The following IGF2BP3 variants were observed in gnomAD, a reference collection of about 807,000 sequenced individuals.
The protein encoded by IGF2BP3 is insulin like growth factor 2 mRNA binding protein 3, also known as insulin-like growth factor 2 mRNA-binding protein 3.
A neutral mutation model predicts 73.8 loss-of-function variants in IGF2BP3; 9 were observed. That is an observed-to-expected ratio of 0.12 (90% CI 0.07 to 0.21). IGF2BP3 has a LOEUF of 0.21. IGF2BP3 is among the 10% of genes least tolerant of loss of function. The pLI is 1.00. For missense variants in IGF2BP3, 542 were observed against 714.0 expected (o/e 0.76, Z 2.75); for synonymous variants, 258 against 256.7 (o/e 1.01, Z -0.05).
Position 23,342,087 on chromosome 7 carries a change from T to G in IGF2BP3, c.1180A>C (p.Thr394Pro). ...ACCTCAAACTGCGGGTAGGGAGGAG[T>G]CATGGCTGAAGGGGGCCCTGAGGTG... ...PPTSGPPSAMTPPYPQFEQSE... is the reference protein window; with the variant it reads ...PPTSGPPSAMPPPYPQFEQSE... The change falls in exon 10 of 15, where the codon ACT becomes CCT. Residue 394 changes from threonine (T) to proline (P), a missense_variant. Transcript: ENST00000258729. 6.3e-7 allele frequency: 1 copy of G among 1,588,734 alleles called. No homozygotes were observed. Among genetic ancestry groups the G allele is most frequent in the Non-Finnish European group, 8.5e-7 (1 of 1,170,996 alleles).
chr7:23,343,171 A>G (rs1383723689), intron 9 of IGF2BP3, among the ~76,000 whole-genome samples: 1 of 152,206 alleles, frequency 6.6e-6, no homozygotes, highest in African/African-American at 2.4e-5. Context: ...AAATTCTTGT[A>G]TCTCCAAGGT....
chr7:23,368,105 G>T (rs369162221), intron 3 of IGF2BP3, among the ~76,000 whole-genome samples: 2 of 152,216 alleles, frequency 1.3e-5, no homozygotes, highest in South Asian at 2.1e-4. Context: ...GAATGTAATG[G>T]TACAAAATTA....
At chr7:23,317,592 T>C (rs1784025707) in intron 12 of IGF2BP3, 47 bp downstream of exon 12, 1 of 1,412,266 alleles carries the variant, frequency 7.1e-7, no homozygotes, top group Non-Finnish European at 1.0e-6. Context: ...ATGGACTACC[T>C]GTGCATTTGT....
chr7:23,391,185 C>T (rs1409955969), intron 3 of IGF2BP3, among the ~76,000 whole-genome samples: 1 of 151,296 alleles, frequency 6.6e-6, no homozygotes, highest in Admixed American at 6.6e-5. Flanking sequence ...CTGCAACCTC[C>T]ACCCCCTGGG....
rs759967132 is a variant in IGF2BP3, at chr7:23,470,021, C to G, written c.90G>C (p.Ser30=). ...AGCCAGTCTTCACCAGGAAGGGTCC[C>G]GACACCGGGATCTTGGCGTCCTTGA... ...SIFKDAKIPV[S]GPFLVKTGYA... is the part of the protein sequence containing the mutation. Residue 30 remains serine (S), a synonymous_variant, in exon 1 of 15, where the codon TCG becomes TCC. Coordinates refer to ENST00000258729, the MANE Select transcript of IGF2BP3 (RefSeq NM_006547.3). 3 of 1,612,786 alleles carry G rather than the reference C, an allele frequency of 1.9e-6. No homozygotes were observed. The highest frequency in any genetic ancestry group is 3.3e-5 in the Admixed American group (2 of 59,986).
intron 3 of IGF2BP3, among the ~76,000 whole-genome samples, chr7:23,388,666 G>A (rs1173581913): frequency 7.1e-6 from 1 of 141,308 alleles, no homozygotes; most frequent in African/African-American, 2.7e-5. Flanking sequence ...GAGATTTTTA[G>A]CAGCCTCATT....
chr7:23,432,151 A>T (rs1787698563), intron 2 of IGF2BP3, among the ~76,000 whole-genome samples: 1 of 152,178 alleles, frequency 6.6e-6, no homozygotes, highest in Non-Finnish European at 1.5e-5. Flanking sequence ...TTACATTTGC[A>T]CACGTTATCT....
intron 3 of IGF2BP3, among the ~76,000 whole-genome samples, chr7:23,390,745 G>T (rs1406627397): frequency 6.6e-6 from 1 of 151,294 alleles, no homozygotes; most frequent in Non-Finnish European, 1.5e-5. Flanking sequence ...TTTCGTTTTT[G>T]AAAAGACAGC....
intron 3 of IGF2BP3, among the ~76,000 whole-genome samples, chr7:23,393,148 G>A (rs751086332): frequency 1.3e-4 from 20 of 152,164 alleles, no homozygotes; most frequent in Non-Finnish European, 2.1e-4. Flanking sequence ...TCTTCTGCCC[G>A]CTGGAGTGGC....
At chr7:23,466,589 C>T (rs748751999) in intron 2 of IGF2BP3, among the ~76,000 whole-genome samples, 1 of 152,148 alleles carries the variant, frequency 6.6e-6, no homozygotes, top group South Asian at 2.1e-4. Context: ...TGACATCTTA[C>T]CTTATGTGCT....
At chr7:23,429,473 C>T (rs1036146052) in intron 2 of IGF2BP3, among the ~76,000 whole-genome samples, 1 of 152,198 alleles carries the variant, frequency 6.6e-6, no homozygotes, top group Non-Finnish European at 1.5e-5. Context: ...TTCTATCCTC[C>T]TAACCATACT....
At chr7:23,329,378 G>A (rs775997422) in intron 10 of IGF2BP3, among the ~76,000 whole-genome samples, 4 of 152,158 alleles carry the variant, frequency 2.6e-5, no homozygotes, top group Non-Finnish European at 5.9e-5. Flanking sequence ...CACCTACAGT[G>A]TGTGTGCATA....
intron 2 of IGF2BP3, among the ~76,000 whole-genome samples, chr7:23,461,671 A>G (rs994661389): frequency 2.0e-5 from 3 of 152,202 alleles, no homozygotes; most frequent in Non-Finnish European, 4.4e-5. Flanking sequence ...AGCTAGTAAC[A>G]TATCATCTCC....
At chr7:23,389,084 G>C (rs1326080131) in intron 3 of IGF2BP3, among the ~76,000 whole-genome samples, 2 of 151,696 alleles carry the variant, frequency 1.3e-5, no homozygotes, top group Admixed American at 6.6e-5. Context: ...CTTCAATAAA[G>C]CTGTTTTTTA....
chr7:23,374,683 T>C (rs562561987), intron 3 of IGF2BP3, among the ~76,000 whole-genome samples: 2 of 151,984 alleles, frequency 1.3e-5, no homozygotes, highest in Admixed American at 6.6e-5. Flanking sequence ...TCTCCAATAG[T>C]GACGATGATG....
At chr7:23,336,569 G>C (rs997636837) in intron 10 of IGF2BP3, among the ~76,000 whole-genome samples, 3 of 151,590 alleles carry the variant, frequency 2.0e-5, no homozygotes, top group African/African-American at 7.3e-5. Flanking sequence ...GCAGTGGCAC[G>C]ATCTCGGCTC....
At chr7:23,454,410 A>G (rs933518220) in intron 2 of IGF2BP3, among the ~76,000 whole-genome samples, 4 of 152,218 alleles carry the variant, frequency 2.6e-5, no homozygotes, top group East Asian at 1.9e-4. Context: ...CTCCGTATAT[A>G]TGAAACATAA....
At chr7:23,357,279 T>TA (rs1785119191) in intron 5 of IGF2BP3, among the ~76,000 whole-genome samples, 1 of 151,078 alleles carries the variant, frequency 6.6e-6, no homozygotes. Flanking sequence ...TTTCTTTCTT[T>TA]TTTTTTTTTT....
At chr7:23,424,632 T>TC (rs1787447789) in intron 2 of IGF2BP3, among the ~76,000 whole-genome samples, 1 of 152,272 alleles carries the variant, frequency 6.6e-6, no homozygotes, top group Non-Finnish European at 1.5e-5. Flanking sequence ...GCAGGGTAGC[T>TC]CATGCCTGTA....
Sources: allele counts gnomAD v4.1 joint callset (sites outside exome capture counted in the v4.1 genomes callset), GRCh38; gene constraint gnomAD v4.1.1; transcripts MANE v1.5; gene names NCBI Gene and HGNC (gene_info 2026-07-23, HGNC 2026-07-21).